Variants in CLEC4D observed in about 807,000 individuals in gnomAD.
CLEC4D encodes the protein C-type lectin domain family 4 member D, also known as C-type (calcium dependent, carbohydrate-recognition domain) lectin, superfamily member 8.
Under a neutral mutation model 21.1 loss-of-function variants are expected in CLEC4D, and 21 were observed. The observed-to-expected ratio is 1.00, with a 90% confidence interval of 0.71 to 1.43. CLEC4D has a LOEUF of 1.43. CLEC4D is among the 40% of genes most tolerant of loss of function. The pLI is 0.00. For missense variants in CLEC4D, 289 were observed against 260.7 expected, an observed-to-expected ratio of 1.11 and a Z score of -0.75; for synonymous variants, 85 against 83.1, an observed-to-expected ratio of 1.02 and a Z score of -0.12.
In CLEC4D at chr12:8,521,135, A is replaced by G. The variant is rs1369535446; in HGVS notation, c.512A>G (p.Lys171Arg). The G allele has an allele frequency of 6.2e-7, 1 of 1,612,628 alleles. No homozygotes were observed. Among genetic ancestry groups the G allele is most frequent in the East Asian group, 2.2e-5 (1 of 44,836 alleles). The change falls in exon 6 of 6, where the codon AAG becomes AGG. Residue 171 changes from lysine (K) to arginine (R), a missense_variant. Physicochemically the swap from Lys to Arg is conservative, Grantham distance 26 (BLOSUM62 2). Coordinates refer to ENST00000299665, the MANE Select transcript of CLEC4D (RefSeq NM_080387.5). ...TGTTGTTCTTTCAGATTCTGGCATA[A>G]GAATGAACCCGACAACTCTCAGGGA... ...PFNPRRVFWH[K>R]NEPDNSQGEN... is the part of the protein sequence containing the mutation.
chr12:8,516,606 A>G (rs376462244), intron 2 of CLEC4D, among the ~76,000 whole-genome samples: 1 of 152,220 alleles, frequency 6.6e-6, no homozygotes. Context: ...ACTACTAAAT[A>G]TTGATGATGC....
chr12:8,526,920 G>T (rs182759778), downstream of CLEC4D, among the ~76,000 whole-genome samples: 322 of 151,912 alleles, frequency 2.1e-3, 2 homozygotes, highest in African/African-American at 7.3e-3. Flanking sequence ...TCACTTTCTG[G>T]TTTTTTTTCT....
chr12:8,518,497 A>G (rs990781984), intron 3 of CLEC4D, among the ~76,000 whole-genome samples: 2 of 152,230 alleles, frequency 1.3e-5, no homozygotes, highest in African/African-American at 4.8e-5. Context: ...GTTATTTTTG[A>G]CATCCAAAAC....
Position 8,518,216 on chromosome 12 carries a change from AGAG to A in CLEC4D, c.175_177del (p.Glu59del). The A allele has an allele frequency of 6.9e-7, 1 of 1,448,412 alleles. No homozygotes were observed. Among genetic ancestry groups the A allele is most frequent in the Non-Finnish European group, 9.7e-7 (1 of 1,028,926 alleles). 89.7% of individuals were successfully genotyped at this position (1,448,412 alleles called of 1,614,324 possible). ...AGAGAGGCACAGGAGTGCACAAGTT[AGAG>A]CACCATGCAAAGCTCAAATGCATCA... On this transcript the variant is annotated inframe_deletion, in exon 3 of 6. Coordinates refer to ENST00000299665, the MANE Select transcript of CLEC4D (RefSeq NM_080387.5).
intron 2 of CLEC4D, among the ~76,000 whole-genome samples, chr12:8,515,858 ATTCT>A (rs1262770390): frequency 3.3e-5 from 5 of 152,174 alleles, no homozygotes; most frequent in African/African-American, 1.2e-4. Flanking sequence ...CATTAAAAAA[ATTCT>A]TTCTGATATC....
At chr12:8,526,175 C>T (rs2136391835), downstream of CLEC4D, among the ~76,000 whole-genome samples, 1 of 152,202 alleles carries the variant, frequency 6.6e-6, no homozygotes, top group South Asian at 2.1e-4. Context: ...TGGAGTTGAT[C>T]TTCTTGTGGA....
intron 5 of CLEC4D, 88 bp downstream of exon 5, chr12:8,520,429 G>A: frequency 6.6e-7 from 1 of 1,522,212 alleles, no homozygotes; most frequent in East Asian, 2.3e-5. Context: ...GGAGTACATT[G>A]ATATAAAAAT....
At chr12:8,518,512 C>T (rs1940414113) in intron 3 of CLEC4D, among the ~76,000 whole-genome samples, 1 of 152,178 alleles carries the variant, frequency 6.6e-6, no homozygotes, top group South Asian at 2.1e-4. Flanking sequence ...CAAAACATAA[C>T]ATTAATCAGA....
At chr12:8,523,337 TG>T (rs1940480974), downstream of CLEC4D, among the ~76,000 whole-genome samples, 1 of 152,240 alleles carries the variant, frequency 6.6e-6, no homozygotes, top group Non-Finnish European at 1.5e-5. Context: ...GAAGATGGAA[TG>T]TTTTTCCATT....
At chr12:8,516,184 G>C (rs1307390769) in intron 2 of CLEC4D, among the ~76,000 whole-genome samples, 2 of 152,098 alleles carry the variant, frequency 1.3e-5, no homozygotes, top group East Asian at 1.9e-4. Flanking sequence ...GATAAATGGA[G>C]AATATCCTCA....
intron 4 of CLEC4D, among the ~76,000 whole-genome samples, chr12:8,519,514 T>C (rs1940430030): frequency 6.6e-6 from 1 of 152,188 alleles, no homozygotes; most frequent in Non-Finnish European, 1.5e-5. Flanking sequence ...TGACTTTTAC[T>C]ACGTGGAGGG....
chr12:8,530,155 T>C, the CLEC4D span, among the ~76,000 whole-genome samples: 1 of 152,164 alleles, frequency 6.6e-6, no homozygotes, highest in Non-Finnish European at 1.5e-5. Flanking sequence ...TTAAAACATT[T>C]AACAAAGAAG....
At chr12:8,526,333 T>C (rs1940505164), downstream of CLEC4D, among the ~76,000 whole-genome samples, 1 of 152,190 alleles carries the variant, frequency 6.6e-6, no homozygotes, top group African/African-American at 2.4e-5. Flanking sequence ...CAGTCAATCA[T>C]AGGTTTGGTT....
chr12:8,528,939 A>G, the CLEC4D span, among the ~76,000 whole-genome samples: 3 of 151,898 alleles, frequency 2.0e-5, no homozygotes, highest in Non-Finnish European at 4.4e-5. Flanking sequence ...TAGATATATA[A>G]TCCACATTTT....
the CLEC4D span, among the ~76,000 whole-genome samples, chr12:8,531,623 G>T: frequency 1.3e-5 from 2 of 151,950 alleles, no homozygotes; most frequent in African/African-American, 4.8e-5. Context: ...TTGAAACATC[G>T]CATTGTATCC....
chr12:8,519,381 T>C (rs755486973), intron 4 of CLEC4D, among the ~76,000 whole-genome samples: 11 of 152,272 alleles, frequency 7.2e-5, no homozygotes, highest in African/African-American at 2.6e-4. Context: ...CCTAACTACC[T>C]TCCTCATTCT....
rs138532691 is a variant in CLEC4D at position 8,519,830 on chromosome 12, G to A, written c.385-396G>A. Among the ~76,000 whole-genome samples the A allele has an allele frequency of 8.3e-4, 126 of 152,260 alleles. 2 individuals are homozygous for A. The East Asian group carries it at 0.021, about 26-fold the overall frequency. On this transcript the variant is annotated intron_variant, in intron 4 of 5. Transcript: ENST00000299665. ...GGTTAATAGTTTCCTCAAGGATTTT[G>A]TCTCCATAGGTTTACAATGTATAGG...
At chr12:8,515,149 G>A (rs1940361664) in intron 1 of CLEC4D, 87 bp from the exon 2 acceptor site, 1 of 732,766 alleles carries the variant, frequency 1.4e-6, no homozygotes, top group Non-Finnish European at 2.4e-6. Context: ...TTGGTTTGCT[G>A]TCACTTTTAG....
At position 8,522,109 on chromosome 12, in the gene CLEC4D, G is replaced by T. The variant is rs1255287429; in HGVS notation, c.*838G>T. On this transcript the variant is annotated 3_prime_UTR_variant, in exon 6 of 6. Transcript: ENST00000299665. ...TACTCGACCTCATTACTTAGCTAAC[G>T]ACTGGATAAAATTTCTTAATTGTTT... 2.0e-5 allele frequency: 3 copies of T among 152,086 alleles called. No homozygotes were observed. Among genetic ancestry groups the T allele is most frequent in the African/African-American group, 7.2e-5 (3 of 41,418 alleles). The allele number at this position is 152,086 out of a possible 1,614,324, so 9.4% of individuals were successfully genotyped here.
Sources: allele counts gnomAD v4.1 joint callset (sites outside exome capture counted in the v4.1 genomes callset), GRCh38; gene constraint gnomAD v4.1.1; transcripts MANE v1.5; gene names NCBI Gene and HGNC (gene_info 2026-07-23, HGNC 2026-07-21).